CHCT1: variants seen among roughly 807,000 people sequenced by gnomAD.
CHCT1 encodes CHD1 helical C-terminal domain containing 1.
chr17:60,429,105 A>T, the CHCT1 span, among the ~76,000 whole-genome samples: 1 of 152,122 alleles, frequency 6.6e-6, no homozygotes, highest in South Asian at 2.1e-4. Flanking sequence ...AAACAATAAG[A>T]CACTGCAGTT....
At chr17:60,425,789 AAT>A in the CHCT1 span, 2 of 1,550,788 alleles carry the variant, frequency 1.3e-6, no homozygotes, top group Non-Finnish European at 8.7e-7. Flanking sequence ...CTAGGTGACA[AAT>A]GTGTCATGCC....
the CHCT1 span, among the ~76,000 whole-genome samples, chr17:60,428,986 T>A: frequency 6.6e-6 from 1 of 151,238 alleles, no homozygotes; most frequent in South Asian, 2.1e-4. Context: ...CACTGCAACC[T>A]CCGCCTTCAG....
At chr17:60,429,539 C>A in the CHCT1 span, 2 of 1,614,104 alleles carry the variant, frequency 1.2e-6, no homozygotes, top group Non-Finnish European at 1.7e-6. Flanking sequence ...GCCAAGATCC[C>A]AGGACCATGT....
the CHCT1 span, chr17:60,425,963 C>G: frequency 7.4e-7 from 1 of 1,355,288 alleles, no homozygotes; most frequent in South Asian, 1.3e-5. Context: ...TGGCAGGCCT[C>G]AGACCCACAG....
At chr17:60,423,065 G>A in the CHCT1 span, among the ~76,000 whole-genome samples, 5 of 152,212 alleles carry the variant, frequency 3.3e-5, no homozygotes, top group African/African-American at 4.8e-5. Context: ...TGTTCTCCCC[G>A]AACACAGACT....
At chr17:60,429,646 C>T in the CHCT1 span, 19 of 1,348,134 alleles carry the variant, frequency 1.4e-5, no homozygotes, top group African/African-American at 8.7e-5. Context: ...CTCAAGCAGC[C>T]GGGAGCCTCT....
chr17:60,425,250 C>T, the CHCT1 span, among the ~76,000 whole-genome samples: 3 of 152,158 alleles, frequency 2.0e-5, no homozygotes, highest in Non-Finnish European at 4.4e-5. Flanking sequence ...GACATGATCT[C>T]GGCTCACTGC....
the CHCT1 span, chr17:60,431,083 C>A: frequency 1.2e-6 from 1 of 804,844 alleles, no homozygotes; most frequent in South Asian, 1.7e-5. Context: ...TTTTGCTATT[C>A]TTCCTCTCTG....
At chr17:60,426,921 C>T in the CHCT1 span, 4 of 1,517,314 alleles carry the variant, frequency 2.6e-6, no homozygotes, top group Admixed American at 4.0e-5. Flanking sequence ...CCCTCTGGTC[C>T]TTCCCAGGGC....
chr17:60,422,528 G>A, the CHCT1 span: 1 of 1,545,126 alleles, frequency 6.5e-7, no homozygotes, highest in East Asian at 2.5e-5. Context: ...CACAGAAGCA[G>A]TGGGTCAGAA....
At chr17:60,426,158 C>T in the CHCT1 span, 3 of 1,551,240 alleles carry the variant, frequency 1.9e-6, no homozygotes, top group Non-Finnish European at 2.6e-6. Flanking sequence ...GTTGCCTCCT[C>T]AGTGTAAAGA....
the CHCT1 span, chr17:60,425,730 C>A: frequency 7.3e-7 from 1 of 1,374,000 alleles, no homozygotes; most frequent in Non-Finnish European, 1.0e-6. Context: ...CCAGCACTGC[C>A]CCCAGGAGTA....
the CHCT1 span, among the ~76,000 whole-genome samples, chr17:60,428,794 T>TTA: frequency 1.3e-5 from 2 of 151,848 alleles, no homozygotes; most frequent in Non-Finnish European, 2.9e-5. Flanking sequence ...GCCGAAAAAT[T>TTA]TATATATATA....
At chr17:60,426,665 A>T in the CHCT1 span, 1 of 1,568,614 alleles carries the variant, frequency 6.4e-7, no homozygotes, top group Admixed American at 1.9e-5. Flanking sequence ...CAAATGCTGG[A>T]GGGAGGAAGC....
chr17:60,427,207 G>A, the CHCT1 span, among the ~76,000 whole-genome samples: 1 of 152,220 alleles, frequency 6.6e-6, no homozygotes, highest in Non-Finnish European at 1.5e-5. Context: ...TAGCAGCACA[G>A]GGGCAGCTCT....
At chr17:60,426,090 G>A in the CHCT1 span, 86 of 1,483,168 alleles carry the variant, frequency 5.8e-5, 1 homozygote, top group Non-Finnish European at 7.9e-5. Flanking sequence ...CCGGTGTGCT[G>A]GATACCTGGG....
the CHCT1 span, among the ~76,000 whole-genome samples, chr17:60,423,966 A>G: frequency 3.9e-5 from 6 of 152,354 alleles, no homozygotes; most frequent in East Asian, 1.9e-4. Flanking sequence ...TACACGAAGC[A>G]TCTGCTTCTG....
the CHCT1 span, chr17:60,421,502 A>ACTGGGC: frequency 1.0e-6 from 1 of 985,456 alleles, no homozygotes; most frequent in Non-Finnish European, 1.2e-6. Context: ...AGTGGGGACA[A>ACTGGGC]CTGGGCCCGG....
At chr17:60,427,865 C>G in the CHCT1 span, among the ~76,000 whole-genome samples, 1 of 152,098 alleles carries the variant, frequency 6.6e-6, no homozygotes, top group African/African-American at 2.4e-5. Context: ...ACTCCCCTGG[C>G]GACCACTGAT....
Sources: allele counts gnomAD v4.1 joint callset (sites outside exome capture counted in the v4.1 genomes callset), GRCh38; gene constraint gnomAD v4.1.1; transcripts MANE v1.5; gene names NCBI Gene and HGNC (gene_info 2026-07-23, HGNC 2026-07-21).